STYK1: variants seen among roughly 807,000 people sequenced by gnomAD.
The protein encoded by STYK1 is STY kinase 1, also known as tyrosine-protein kinase STYK1.
Under a neutral mutation model 48.1 loss-of-function variants are expected in STYK1, and 46 were observed. The observed-to-expected ratio is 0.96, with a 90% CI of 0.75 to 1.22. The LOEUF (loss-of-function observed/expected upper bound fraction) is 1.22. Among genes scored for constraint, STYK1 ranks in the 50% most tolerant of loss-of-function variants. The pLI, the probability that STYK1 is intolerant of heterozygous loss-of-function variation, is 0.00. For synonymous variants in STYK1, 188 were observed against 189.0 expected, an observed-to-expected ratio of 0.99 and a Z score of 0.04; for missense variants, 527 against 521.1, an observed-to-expected ratio of 1.01 and a Z score of -0.11.
intron 1 of STYK1, among the ~76,000 whole-genome samples, chr12:10,660,294 G>A (rs1283007678): frequency 6.6e-6 from 1 of 152,008 alleles, no homozygotes; most frequent in Non-Finnish European, 1.5e-5. Context: ...GTTATGAATG[G>A]CCCTCTCCAT....
intron 1 of STYK1, among the ~76,000 whole-genome samples, chr12:10,669,736 C>T (rs1006086798): frequency 1.8e-4 from 27 of 152,014 alleles, no homozygotes; most frequent in African/African-American, 5.1e-4. Flanking sequence ...GATTAATATC[C>T]GGTAAGTGAT....
chr12:10,620,124 T>G lies in STYK1; in HGVS notation c.*20A>C, dbSNP rs752919537. On this transcript the variant is annotated 3_prime_UTR_variant, in exon 11 of 11. Coordinates refer to ENST00000075503, the MANE Select transcript of STYK1 (RefSeq NM_018423.3). Reference sequence around the variant, plus strand: ...CCAAGAACATATACTCATGCATGAATGTTTCTTGCCCGAGACTCTTCAAAG... The same window carrying G: ...CCAAGAACATATACTCATGCATGAAGGTTTCTTGCCCGAGACTCTTCAAAG... 7.3e-5 allele frequency: 117 copies of G among 1,613,224 alleles called. No homozygotes were observed. The highest frequency in any genetic ancestry group is 1.7e-5 in the Admixed American group (1 of 60,002).
intron 1 of STYK1, among the ~76,000 whole-genome samples, chr12:10,658,080 TGTGA>T (rs1947737583): frequency 6.6e-6 from 1 of 152,242 alleles, no homozygotes; most frequent in Non-Finnish European, 1.5e-5. Context: ...GGAAATTCTG[TGTGA>T]ACATATCGGC....
chr12:10,624,919 A>G, intron 7 of STYK1, 60 bp from the exon 8 acceptor site: 2 of 1,462,554 alleles, frequency 1.4e-6, no homozygotes, highest in Non-Finnish European at 1.9e-6. Context: ...GTCACAGACA[A>G]GGAGAGGCAG....
chr12:10,652,078 A>T (rs1947668339), intron 1 of STYK1, among the ~76,000 whole-genome samples: 1 of 152,192 alleles, frequency 6.6e-6, no homozygotes, highest in African/African-American at 2.4e-5. Flanking sequence ...GGGAATAGGA[A>T]CCAGGTATTG....
intron 1 of STYK1, among the ~76,000 whole-genome samples, chr12:10,641,233 T>C (rs1474922261): frequency 6.6e-6 from 1 of 152,178 alleles, no homozygotes; most frequent in Non-Finnish European, 1.5e-5. Context: ...AATCCATCCG[T>C]GTCTCCTTTT....
intron 1 of STYK1, among the ~76,000 whole-genome samples, chr12:10,652,468 A>G (rs560979341): frequency 6.6e-6 from 1 of 152,354 alleles, no homozygotes; most frequent in Admixed American, 6.5e-5. Context: ...GAATACAAGT[A>G]TTTCAGAAAT....
At chr12:10,622,788 G>A in intron 8 of STYK1, 110 bp from the exon 9 acceptor site, 1 of 1,253,720 alleles carries the variant, frequency 8.0e-7, no homozygotes, top group Non-Finnish European at 1.1e-6. Context: ...AGGCAATGAA[G>A]GAGAATCAAG....
At chr12:10,627,554 G>T in intron 7 of STYK1, 87 bp downstream of exon 7, 1 of 1,233,498 alleles carries the variant, frequency 8.1e-7, no homozygotes, top group Non-Finnish European at 1.2e-6. Context: ...CACACCACTT[G>T]AGAATATTAA....
At chr12:10,630,385 C>CAAAAAAAAAA (rs35704937) in intron 5 of STYK1, among the ~76,000 whole-genome samples, 4 of 48,592 alleles carry the variant, frequency 8.2e-5, no homozygotes, top group Non-Finnish European at 1.1e-4. Flanking sequence ...CACTCTGTCT[C>CAAAAAAAAAA]AAAAAAAAAA....
chr12:10,657,898 G>C (rs1953506581), intron 1 of STYK1, among the ~76,000 whole-genome samples: 1 of 152,236 alleles, frequency 6.6e-6, no homozygotes, highest in African/African-American at 2.4e-5. Flanking sequence ...TGTAAGGAAA[G>C]TGAAATGTGT....
rs1215846978 is a variant in STYK1, at chr12:10,628,959, A to C, written c.633+534T>G. Among the ~76,000 whole-genome samples, 3 of 152,188 alleles carry C rather than the reference A, an allele frequency of 2.0e-5. No individual in the cohort carries two copies. In the East Asian group the frequency reaches 5.8e-4, roughly 29 times the overall value. ...ACAATATAAAGATAATTGTTATATA[A>C]TTATCTTTATAACAGCTACCATTTT... On this transcript the variant is annotated intron_variant, in intron 6 of 10. Transcript: ENST00000075503.
Position 10,620,322 on chromosome 12 carries a change from C to G in STYK1, c.1091G>C (p.Arg364Pro), listed in dbSNP as rs375423751. ...TGAGGGGCGGTCAGCCTCACGCCAGCGCCAGCAGGACTTCATGATACTGTA... is the reference window on the plus strand; with the variant it reads ...TGAGGGGCGGTCAGCCTCACGCCAGGGCCAGCAGGACTTCATGATACTGTA... ...TMYSIMKSCW[R>P]WREADRPSPR... Residue 364 changes from arginine (R) to proline (P), a missense_variant, in exon 11 of 11, where the codon CGC becomes CCC. Physicochemically the swap from Arg to Pro is moderately radical, Grantham distance 103. Transcript: ENST00000075503. 6 of 1,613,258 alleles carry G rather than the reference C, an allele frequency of 3.7e-6. No homozygotes were observed. Among genetic ancestry groups the G allele is most frequent in the Middle Eastern group, 1.8e-4 (1 of 5,450 alleles).
chr12:10,622,736 T>C (rs1417335129), intron 8 of STYK1, 58 bp from the exon 9 acceptor site: 3 of 1,602,496 alleles, frequency 1.9e-6, no homozygotes, highest in African/African-American at 2.7e-5. Context: ...TAAAGAGAGC[T>C]CATTTAAGTG....
At position 10,621,808 on chromosome 12, in the gene STYK1, G is replaced by T. The variant is rs112215777; in HGVS notation, c.1064+68C>A. ...AGGATCATCTGAGCCCTTTGAAAAG[G>T]GCACGATTGATAGAGGGCTAAACAA... On this transcript the variant is annotated intron_variant, in intron 10 of 10. Transcript: ENST00000075503. The T allele has an allele frequency of 7.3e-5, 106 of 1,452,176 alleles. No individual in the cohort carries two copies. The African/African-American group carries it at 1.2e-3, about 17-fold the overall frequency. 90.0% of individuals were successfully genotyped at this position (1,452,176 alleles called of 1,614,324 possible). A position where few individuals can be genotyped will look rare whatever the true frequency, so the allele number is the denominator to read the frequency against.
At chr12:10,667,017 T>C (rs1947840826) in intron 1 of STYK1, among the ~76,000 whole-genome samples, 1 of 152,358 alleles carries the variant, frequency 6.6e-6, no homozygotes, top group Non-Finnish European at 1.5e-5. Context: ...CATTTACTAC[T>C]GTGTCTTACT....
Position 10,672,261 on chromosome 12 carries a change from C to A in STYK1, c.-195+1705G>T, listed in dbSNP as rs1327151376. Reference sequence around the variant, plus strand: ...CCAACACCCGGGGCGCCGACAGGTACGGGGTGCACAGCAGGAAATCAGAGG... The same window carrying A: ...CCAACACCCGGGGCGCCGACAGGTAAGGGGTGCACAGCAGGAAATCAGAGG... On this transcript the variant is annotated intron_variant, in intron 1 of 10. Transcript: ENST00000075503. This position sits in a 1 kb window ranked among gnomAD's most constrained non-coding sequence, Gnocchi z 4.0. 6.6e-6 allele frequency among the ~76,000 whole-genome samples: 1 copy of A among 152,138 alleles called. No individual in the cohort carries two copies. Among genetic ancestry groups the A allele is most frequent in the Non-Finnish European group, 1.5e-5 (1 of 68,028 alleles).
intron 1 of STYK1, among the ~76,000 whole-genome samples, chr12:10,659,641 T>C (rs369689762): frequency 5.9e-4 from 90 of 152,322 alleles, no homozygotes; most frequent in African/African-American, 2.1e-3. Flanking sequence ...AGGTATTTTA[T>C]GGTACAAAAC....
intron 1 of STYK1, among the ~76,000 whole-genome samples, chr12:10,662,243 C>G (rs200659877): frequency 2.0e-5 from 3 of 151,860 alleles, no homozygotes; most frequent in African/African-American, 7.3e-5. Flanking sequence ...TGGATATACA[C>G]AGATTCTGTT....
Sources: allele counts gnomAD v4.1 joint callset (sites outside exome capture counted in the v4.1 genomes callset), GRCh38; gene constraint gnomAD v4.1.1; non-coding constraint Gnocchi (gnomAD v3.1); transcripts MANE v1.5; gene names NCBI Gene and HGNC (gene_info 2026-07-23, HGNC 2026-07-21).